SLC22A23: variants seen among roughly 807,000 people sequenced by gnomAD.
SLC22A23 encodes solute carrier family 22 member 23.
In SLC22A23, 26 loss-of-function variants were observed where a neutral mutation model predicts 61.0. The observed-to-expected ratio is 0.43, with a 90% confidence interval of 0.31 to 0.59. The LOEUF is 0.59. Among genes scored for constraint, SLC22A23 ranks in the 20% least tolerant of loss-of-function variants. SLC22A23 has a pLI of 0.11. For synonymous variants in SLC22A23, 430 were observed against 413.9 expected (o/e 1.04, Z -0.47); for missense variants, 796 against 934.7 (o/e 0.85, Z 1.94).
chr6:3,429,220 T>C (rs36052964), intron 1 of SLC22A23, among the ~76,000 whole-genome samples: 1 of 152,070 alleles, frequency 6.6e-6, no homozygotes, highest in Admixed American at 6.5e-5. Flanking sequence ...TGCACATCAA[T>C]GGATGTTCAC....
chr6:3,389,052 G>A (rs892233621), intron 3 of SLC22A23, among the ~76,000 whole-genome samples: 22 of 151,894 alleles, frequency 1.4e-4, no homozygotes, highest in Non-Finnish European at 2.6e-4. Flanking sequence ...CAGATCACTC[G>A]AGGTCAGGAG....
chr6:3,353,069 G>A (rs1232322074), intron 3 of SLC22A23, among the ~76,000 whole-genome samples: 2 of 152,122 alleles, frequency 1.3e-5, no homozygotes, highest in Admixed American at 6.5e-5. Flanking sequence ...CTTCAGCAAC[G>A]ACCAGACCGT....
chr6:3,294,469 A>G (rs75874607), intron 5 of SLC22A23, among the ~76,000 whole-genome samples: 2,838 of 152,276 alleles, frequency 0.019, 59 homozygotes, highest in African/African-American at 0.047. Flanking sequence ...AATATCCCCA[A>G]ATCCCAAAAC....
intron 3 of SLC22A23, among the ~76,000 whole-genome samples, chr6:3,370,123 A>C (rs1458641703): frequency 6.6e-6 from 1 of 152,192 alleles, no homozygotes; most frequent in Non-Finnish European, 1.5e-5. Context: ...TCCATTAAAA[A>C]ATTCCTGGTT....
At chr6:3,433,602 G>C (rs1771010594) in intron 1 of SLC22A23, among the ~76,000 whole-genome samples, 1 of 152,200 alleles carries the variant, frequency 6.6e-6, no homozygotes, top group South Asian at 2.1e-4. Flanking sequence ...ACAATGTTCA[G>C]CTTATAATGG....
rs150595533 is a variant in SLC22A23 at position 3,324,219 on chromosome 6, G to A, written c.914-217C>T. On this transcript the variant is annotated intron_variant, in intron 3 of 9. Transcript: ENST00000406686. This position sits in a 1 kb window ranked among gnomAD's most constrained non-coding sequence, Gnocchi z 4.3. ...AGTGAGACGGTTGTTCAAGGCCACA[G>A]GGCTAGTCGATGACGAAGGGATGCT... is the stretch of plus-strand genomic sequence containing the variant. 1,070 of 583,132 alleles carry A rather than the reference G, an allele frequency of 1.8e-3. 12 individuals are homozygous for A. The highest frequency in any genetic ancestry group is 0.016 in the African/African-American group (879 of 53,846). 36.1% of individuals were successfully genotyped at this position (583,132 alleles called of 1,614,324 possible).
chr6:3,306,515 C>G (rs1040724339), intron 4 of SLC22A23, among the ~76,000 whole-genome samples: 8 of 152,188 alleles, frequency 5.3e-5, no homozygotes, highest in Admixed American at 5.2e-4. Context: ...AAAGAACGTT[C>G]AAATACATTG....
chr6:3,314,816 G>C (rs1762542898), intron 4 of SLC22A23, among the ~76,000 whole-genome samples: 1 of 152,318 alleles, frequency 6.6e-6, no homozygotes, highest in East Asian at 1.9e-4. Context: ...CTCCGGGCCA[G>C]TGTCCTTTAC....
chr6:3,451,225 T>A (rs375284388), intron 1 of SLC22A23, among the ~76,000 whole-genome samples: 7 of 152,226 alleles, frequency 4.6e-5, no homozygotes, highest in African/African-American at 1.7e-4. Context: ...TGAGACAGGG[T>A]CTCACTCTGT....
intron 3 of SLC22A23, among the ~76,000 whole-genome samples, chr6:3,367,555 G>A (rs1765916456): frequency 6.6e-6 from 1 of 152,112 alleles, no homozygotes; most frequent in South Asian, 2.1e-4. Context: ...GCATAGCAGG[G>A]GCCAGGCAGC....
At chr6:3,290,471 TGC>T (rs1760478947) in intron 5 of SLC22A23, 1 of 158,062 alleles carries the variant, frequency 6.3e-6, no homozygotes, top group Non-Finnish European at 1.4e-5. Context: ...ACACCATACA[TGC>T]ACACATTCAT....
At chr6:3,274,124 C>T (rs1758684244) in intron 9 of SLC22A23, among the ~76,000 whole-genome samples, 1 of 152,202 alleles carries the variant, frequency 6.6e-6, no homozygotes. Context: ...GATTTCCACT[C>T]CCTGCCTTGT....
intron 3 of SLC22A23, among the ~76,000 whole-genome samples, chr6:3,341,069 C>A (rs1192186290): frequency 6.6e-6 from 1 of 152,182 alleles, no homozygotes; most frequent in African/African-American, 2.4e-5. Context: ...CCTGTGAGCT[C>A]CTGGCTCTGA....
chr6:3,276,763 A>G (rs762776551), intron 9 of SLC22A23: 2 of 152,218 alleles, frequency 1.3e-5, no homozygotes, highest in Non-Finnish European at 2.9e-5. Context: ...ATTCCATTAG[A>G]TGATTGTCAA....
chr6:3,429,486 CATT>C (rs528395932), intron 1 of SLC22A23, among the ~76,000 whole-genome samples: 48,172 of 152,094 alleles, frequency 0.32, 8,447 homozygotes, highest in East Asian at 0.48. Context: ...AGCCCAAGTC[CATT>C]AGCCCAAGCC....
intron 3 of SLC22A23, among the ~76,000 whole-genome samples, chr6:3,358,410 C>T (rs900545112): frequency 1.3e-5 from 2 of 152,180 alleles, no homozygotes; most frequent in African/African-American, 4.8e-5. Flanking sequence ...GAATGAAATT[C>T]TGACACGTAC....
intron 5 of SLC22A23, chr6:3,291,084 A>G (rs1019194864): frequency 6.6e-6 from 1 of 152,162 alleles, no homozygotes; most frequent in African/African-American, 2.4e-5. Context: ...TAGTGTTCCA[A>G]TGTCACTCTT....
chr6:3,377,706 T>C (rs889301392), intron 3 of SLC22A23: 2 of 152,384 alleles, frequency 1.3e-5, no homozygotes, highest in African/African-American at 4.8e-5. Flanking sequence ...CAATGAGCAG[T>C]GGAGAACAGC....
At chr6:3,346,822 T>G (rs1561913484) in intron 3 of SLC22A23, among the ~76,000 whole-genome samples, 1 of 152,210 alleles carries the variant, frequency 6.6e-6, no homozygotes, top group Non-Finnish European at 1.5e-5. Flanking sequence ...GGATGAATTC[T>G]AACCTAGGAC....
Sources: allele counts gnomAD v4.1 joint callset (sites outside exome capture counted in the v4.1 genomes callset), GRCh38; gene constraint gnomAD v4.1.1; non-coding constraint Gnocchi (gnomAD v3.1); transcripts MANE v1.5; gene names NCBI Gene and HGNC (gene_info 2026-07-23, HGNC 2026-07-21).